Variants in RFT1 observed in about 807,000 individuals in gnomAD.
The protein encoded by RFT1 is RFT1 glycolipid translocator homolog.
In RFT1, 43 loss-of-function variants were observed where a neutral mutation model predicts 62.2. The ratio of observed to expected loss-of-function variants is 0.69; its 90% CI spans 0.54 to 0.89. RFT1 has a LOEUF of 0.89. RFT1 is among the 40% of genes least tolerant of loss of function. The probability of loss-of-function intolerance (pLI) is 0.00; values close to 1 mark genes in which losing one functional copy is unlikely to be tolerated. For synonymous variants in RFT1, 262 were observed against 264.6 expected (o/e 0.99, Z 0.10); for missense variants, 605 against 649.9 (o/e 0.93, Z 0.75).
rs537682380 is a variant in RFT1, at chr3:53,109,009, A to C, written c.776-2140T>G. On this transcript the variant is annotated intron_variant, in intron 7 of 12. Coordinates refer to ENST00000296292, the MANE Select transcript of RFT1 (RefSeq NM_052859.4). ...TGTTTGCAAAAAGTCCAGGCTCCTT[A>C]ATTCTGTATTTGTGGGCTTTTATAC... is the stretch of plus-strand genomic sequence containing the variant. Among the ~76,000 whole-genome samples the C allele has an allele frequency of 2.0e-5, 3 of 152,050 alleles. No individual in the cohort carries two copies. The South Asian group carries it at 6.3e-4, about 32-fold the overall frequency.
intron 5 of RFT1, 35 bp from the exon 6 acceptor site, chr3:53,120,056 TA>T: frequency 1.3e-6 from 2 of 1,558,058 alleles, no homozygotes; most frequent in Non-Finnish European, 1.7e-6. Flanking sequence ...AATAAAGGCA[TA>T]ATTAAGATAT....
intron 3 of RFT1, among the ~76,000 whole-genome samples, chr3:53,123,365 A>G (rs1380111854): frequency 6.6e-6 from 1 of 152,248 alleles, no homozygotes; most frequent in Admixed American, 6.5e-5. Flanking sequence ...AGCTCAAAAG[A>G]TATTATAGAG....
the RFT1 span, among the ~76,000 whole-genome samples, chr3:53,068,650 T>G: frequency 1.3e-5 from 2 of 151,294 alleles, no homozygotes; most frequent in Admixed American, 6.6e-5. Flanking sequence ...CCTGGCCCTG[T>G]CCCCTGCACT....
At chr3:53,086,688 C>T (rs138084953), downstream of RFT1, among the ~76,000 whole-genome samples, 1 of 152,296 alleles carries the variant, frequency 6.6e-6, no homozygotes, top group East Asian at 1.9e-4. Flanking sequence ...GATACTTGAG[C>T]CTTAGCTCAT....
At position 53,090,750 on chromosome 3, in the gene RFT1, A is replaced by T. The variant is rs1486010817; in HGVS notation, c.*1153T>A. The T allele has an allele frequency of 6.6e-6, 1 of 152,214 alleles. No homozygotes were observed. The highest frequency in any genetic ancestry group is 1.5e-5 in the Non-Finnish European group (1 of 68,038). 9.4% of individuals were successfully genotyped at this position (152,214 alleles called of 1,614,324 possible). Reference sequence around the variant, plus strand: ...ATAGTTCTGAGGGGGGTTAATATCTAAAAGGAATTAATACATTAACAAAAA... The same window carrying T: ...ATAGTTCTGAGGGGGGTTAATATCTTAAAGGAATTAATACATTAACAAAAA... On this transcript the variant is annotated 3_prime_UTR_variant, in exon 13 of 13. Transcript: ENST00000296292.
At position 53,106,870 on chromosome 3, in the gene RFT1, C is replaced by T; in HGVS notation, c.776-1G>A. On this transcript the variant is annotated splice_acceptor_variant, in intron 7 of 12. Transcript: ENST00000296292. LOFTEE classifies it high-confidence loss of function. Reference sequence around the variant, plus strand: ...AAAAATGTCATCACATATCGCTCGCCTATAAACAAAAAAGCAAAATAATTA... The same window carrying T: ...AAAAATGTCATCACATATCGCTCGCTTATAAACAAAAAAGCAAAATAATTA... 1 of 1,612,408 alleles carries T rather than the reference C, an allele frequency of 6.2e-7. No homozygotes were observed.
At chr3:53,102,615 T>C (rs1701350100) in intron 10 of RFT1, among the ~76,000 whole-genome samples, 1 of 152,144 alleles carries the variant, frequency 6.6e-6, no homozygotes, top group Non-Finnish European at 1.5e-5. Context: ...ACAAAGACCC[T>C]AATTAAATGC....
Position 53,108,419 on chromosome 3 carries a change from T to C in RFT1, c.776-1550A>G, listed in dbSNP as rs575938081. ...TTTTTTTTTTTTTTGAGACATAGTC[T>C]TGATCTGTCACCCAGACTGGAGTGC... On this transcript the variant is annotated intron_variant, in intron 7 of 12. Coordinates refer to ENST00000296292, the MANE Select transcript of RFT1 (RefSeq NM_052859.4). 7.3e-5 allele frequency among the ~76,000 whole-genome samples: 11 copies of C among 150,868 alleles called. No homozygotes were observed. In the East Asian group the frequency reaches 2.1e-3, roughly 29 times the overall value.
chr3:53,097,950 T>C (rs1041262469), intron 11 of RFT1, among the ~76,000 whole-genome samples: 2 of 152,238 alleles, frequency 1.3e-5, no homozygotes, highest in East Asian at 1.9e-4. Context: ...ATTTTAAAAC[T>C]ATGGGTTGTG....
intron 7 of RFT1, among the ~76,000 whole-genome samples, chr3:53,109,062 C>T (rs1701574673): frequency 6.6e-6 from 1 of 152,108 alleles, no homozygotes; most frequent in African/African-American, 2.4e-5. Flanking sequence ...ATTTTGGATT[C>T]CCTTTGCCAA....
downstream of RFT1, among the ~76,000 whole-genome samples, chr3:53,083,492 C>A (rs1463074546): frequency 5.7e-5 from 4 of 70,102 alleles, no homozygotes; most frequent in Admixed American, 1.8e-4. Flanking sequence ...AAGACCCTAT[C>A]TAAAAAAAAA....
chr3:53,125,110 G>A (rs1702073476), intron 2 of RFT1, among the ~76,000 whole-genome samples: 1 of 152,204 alleles, frequency 6.6e-6, no homozygotes, highest in Non-Finnish European at 1.5e-5. Flanking sequence ...ACTATGTAGT[G>A]CAAAACTCCA....
At chr3:53,107,416 C>A (rs113771429) in intron 7 of RFT1, among the ~76,000 whole-genome samples, 1 of 151,926 alleles carries the variant, frequency 6.6e-6, no homozygotes, top group Non-Finnish European at 1.5e-5. Context: ...GGATTACAGG[C>A]GTAAGCCACC....
the RFT1 span, among the ~76,000 whole-genome samples, chr3:53,068,152 G>GGGTCTACTA: frequency 6.6e-4 from 101 of 152,258 alleles, no homozygotes; most frequent in Middle Eastern, 6.8e-3. Flanking sequence ...AGGGGACAGG[G>GGGTCTACTA]CTTGACCTTA....
Position 53,092,428 on chromosome 3 carries a change from G to C in RFT1, c.1399C>G (p.Leu467Val). 1 of 1,610,686 alleles carries C rather than the reference G, an allele frequency of 6.2e-7. No individual in the cohort carries two copies. The highest frequency in any genetic ancestry group is 1.3e-5 in the African/African-American group (1 of 75,030). The change falls in exon 12 of 13, where the codon CTA becomes GTA. Residue 467 changes from leucine to valine, a missense_variant. Transcript: ENST00000296292. The part of the protein sequence containing the change: ...SPHRPLAGLH[L>V]SPVLLGTFAL... The stretch of plus-strand genomic sequence containing the variant: ...AATGTCCCGAGCAGGACTGGCGATA[G>C]GTGCAGGCCAGCCAGGGGCCTGTGG...
chr3:53,115,645 C>A (rs1299464005), intron 6 of RFT1, among the ~76,000 whole-genome samples: 2 of 152,230 alleles, frequency 1.3e-5, no homozygotes, highest in East Asian at 3.8e-4. Flanking sequence ...GTAACAAGCA[C>A]TGAGCAAATT....
At chr3:53,124,974 C>CA (rs1375059342) in intron 2 of RFT1, among the ~76,000 whole-genome samples, 1 of 151,446 alleles carries the variant, frequency 6.6e-6, no homozygotes, top group Non-Finnish European at 1.5e-5. Context: ...CCTGTCGTCT[C>CA]AAAAAAAGAA....
At chr3:53,099,800 C>T (rs555628285) in intron 10 of RFT1, among the ~76,000 whole-genome samples, 1 of 152,300 alleles carries the variant, frequency 6.6e-6, no homozygotes, top group African/African-American at 2.4e-5. Flanking sequence ...CCAGCCTGGG[C>T]AACATGATGA....
At chr3:53,077,688 T>C in the RFT1 span, 75,765 of 152,168 alleles carry the variant, frequency 0.5, 20,359 homozygotes, top group East Asian at 0.72. Context: ...AAGCAATTAC[T>C]TGTGACAGGT....
Sources: gnomAD v4.1 joint callset for allele counts (sites outside exome capture counted in the v4.1 genomes callset) on GRCh38, gnomAD v4.1.1 for gene constraint, MANE v1.5 for transcripts, NCBI Gene and HGNC (gene_info 2026-07-23, HGNC 2026-07-21) for gene names.